Variants in SLC7A14 observed in about 807,000 individuals in gnomAD.
SLC7A14 encodes the protein solute carrier family 7 member 14, also known as gamma-aminobutyric acid transporter SLC7A14.
In SLC7A14, 37 loss-of-function variants were observed where a neutral mutation model predicts 60.2. The observed-to-expected ratio is 0.61, with a 90% CI of 0.47 to 0.81. SLC7A14 has a LOEUF of 0.81. Among genes scored for constraint, SLC7A14 ranks in the 30% least tolerant of loss-of-function variants. SLC7A14 has a pLI of 0.00. For synonymous variants in SLC7A14, 399 were observed against 395.8 expected, an observed-to-expected ratio of 1.01 and a Z score of -0.10; for missense variants, 886 against 982.7, an observed-to-expected ratio of 0.90 and a Z score of 1.32.
intron 1 of SLC7A14, among the ~76,000 whole-genome samples, chr3:170,556,524 T>A (rs978189352): frequency 1.3e-5 from 2 of 152,090 alleles, no homozygotes; most frequent in Non-Finnish European, 2.9e-5. Flanking sequence ...CTTGTAATAA[T>A]AGTAGGGTTT....
intron 1 of SLC7A14, among the ~76,000 whole-genome samples, chr3:170,544,822 G>T (rs961556242): frequency 6.6e-6 from 1 of 152,234 alleles, no homozygotes; most frequent in African/African-American, 2.4e-5. Flanking sequence ...GCACAGAGCA[G>T]TTAACATTTG....
At chr3:170,494,467 C>T (rs1712319232) in intron 4 of SLC7A14, among the ~76,000 whole-genome samples, 1 of 152,112 alleles carries the variant, frequency 6.6e-6, no homozygotes, top group Admixed American at 6.5e-5. Context: ...ATGTGGAGCC[C>T]CTGAGAAGGA....
At chr3:170,519,346 T>G (rs1475654694) in intron 2 of SLC7A14, among the ~76,000 whole-genome samples, 2 of 152,220 alleles carry the variant, frequency 1.3e-5, no homozygotes, top group East Asian at 1.9e-4. Context: ...AACAGAATTC[T>G]GTAATTCTGG....
chr3:170,555,174 A>AAT (rs1183657085), intron 1 of SLC7A14, among the ~76,000 whole-genome samples: 123 of 150,306 alleles, frequency 8.2e-4, no homozygotes, highest in Admixed American at 5.9e-3. Flanking sequence ...TCTCAAAAAA[A>AAT]ATATATATAT....
chr3:170,459,664 T>C lies in SLC7A14; in HGVS notation c.*7391A>G, dbSNP rs892833218. ...AGTGAACTCATTTATCTGGCTTTTCTACAAAGGACAATTGAAACACTTAAG... is the reference window on the plus strand; with the variant it reads ...AGTGAACTCATTTATCTGGCTTTTCCACAAAGGACAATTGAAACACTTAAG... On this transcript the variant is annotated 3_prime_UTR_variant, in exon 8 of 8. Transcript: ENST00000231706. The C allele has an allele frequency of 2.0e-5, 3 of 152,216 alleles. No homozygotes were observed. Among genetic ancestry groups the C allele is most frequent in the African/African-American group, 7.2e-5 (3 of 41,464 alleles). 9.4% of individuals were successfully genotyped at this position (152,216 alleles called of 1,614,324 possible). A position where few individuals can be genotyped will look rare whatever the true frequency, so the allele number is the denominator to read the frequency against.
chr3:170,570,003 A>G (rs1714901899), intron 1 of SLC7A14: 1 of 151,942 alleles, frequency 6.6e-6, no homozygotes, highest in South Asian at 2.1e-4. Context: ...TTTAGTTTTA[A>G]ACTTAGAAGT....
chr3:170,527,807 A>G (rs1005052074), intron 1 of SLC7A14, among the ~76,000 whole-genome samples: 32 of 152,178 alleles, frequency 2.1e-4, no homozygotes, highest in Admixed American at 2.6e-4. Context: ...ACTTTCCTGT[A>G]GATAAAAATC....
At position 170,538,880 on chromosome 3, in the gene SLC7A14, A is replaced by G. The variant is rs145035609; in HGVS notation, c.-152-11792T>C. 4.1e-3 allele frequency among the ~76,000 whole-genome samples: 622 copies of G among 152,330 alleles called. 5 individuals carry two copies. The highest frequency in any genetic ancestry group is 0.014 in the African/African-American group (599 of 41,566). On this transcript the variant is annotated intron_variant, in intron 1 of 7. Transcript: ENST00000231706. ...TTTCCTCACCTTTTTCTCTGAAGCTATTCACATTTCCATGTTCCTTTGGGA... is the reference window on the plus strand; with the variant it reads ...TTTCCTCACCTTTTTCTCTGAAGCTGTTCACATTTCCATGTTCCTTTGGGA...
chr3:170,547,772 A>G (rs964886962), intron 1 of SLC7A14, among the ~76,000 whole-genome samples: 1 of 152,210 alleles, frequency 6.6e-6, no homozygotes, highest in African/African-American at 2.4e-5. Context: ...GCGATATCAC[A>G]TATCCAAGAG....
chr3:170,486,371 G>C lies in SLC7A14; in HGVS notation c.760-3C>G. On this transcript the variant is annotated splice_region_variant and splice_polypyrimidine_tract_variant and intron_variant, in intron 4 of 7. Transcript: ENST00000231706. ...CATGTTGCTGCTCCTTGCAGCACCT[G>C]TGTGGATGATGGCATTTGTCAGACT... The C allele has an allele frequency of 6.2e-7, 1 of 1,614,196 alleles. No individual in the cohort carries two copies. Among genetic ancestry groups the C allele is most frequent in the African/African-American group, 1.3e-5 (1 of 75,064 alleles).
chr3:170,583,210 T>C (rs1715285679), intron 1 of SLC7A14, among the ~76,000 whole-genome samples: 1 of 152,140 alleles, frequency 6.6e-6, no homozygotes, highest in Non-Finnish European at 1.5e-5. Context: ...ATAGGGCAAG[T>C]AAAGAAATGA....
At chr3:170,533,263 T>C (rs1713733468) in intron 1 of SLC7A14, among the ~76,000 whole-genome samples, 1 of 152,192 alleles carries the variant, frequency 6.6e-6, no homozygotes, top group African/African-American at 2.4e-5. Context: ...TTATACTACG[T>C]GGCCAGGTAC....
At chr3:170,544,259 C>T (rs916283926) in intron 1 of SLC7A14, among the ~76,000 whole-genome samples, 1 of 151,814 alleles carries the variant, frequency 6.6e-6, no homozygotes, top group Non-Finnish European at 1.5e-5. Context: ...TCTCGGGACA[C>T]ATTACAGGAC....
At chr3:170,563,417 GTTTT>G (rs67991294) in intron 1 of SLC7A14, among the ~76,000 whole-genome samples, 1 of 111,908 alleles carries the variant, frequency 8.9e-6, no homozygotes. Flanking sequence ...TTGTTTGTTT[GTTTT>G]TTTTTTTTTT....
At chr3:170,551,091 T>C (rs1400419277) in intron 1 of SLC7A14, among the ~76,000 whole-genome samples, 6 of 152,168 alleles carry the variant, frequency 3.9e-5, no homozygotes, top group Non-Finnish European at 7.3e-5. Flanking sequence ...TAATCTACTT[T>C]CTTTCTTTAT....
chr3:170,506,798 C>T (rs1209319983), intron 2 of SLC7A14, among the ~76,000 whole-genome samples: 3 of 152,168 alleles, frequency 2.0e-5, no homozygotes, highest in Non-Finnish European at 4.4e-5. Context: ...AAAACTTCTC[C>T]TTCCTAACAG....
chr3:170,489,824 A>G (rs1442102669), intron 4 of SLC7A14, among the ~76,000 whole-genome samples: 1 of 152,232 alleles, frequency 6.6e-6, no homozygotes, highest in South Asian at 2.1e-4. Flanking sequence ...TATGTTAAGC[A>G]AAATAAATCA....
At chr3:170,549,667 C>T (rs1714285791) in intron 1 of SLC7A14, among the ~76,000 whole-genome samples, 1 of 152,174 alleles carries the variant, frequency 6.6e-6, no homozygotes, top group Non-Finnish European at 1.5e-5. Context: ...CTACCCGATG[C>T]CCTGGGGAGA....
At chr3:170,576,092 T>C (rs1235036700) in intron 1 of SLC7A14, among the ~76,000 whole-genome samples, 1 of 152,232 alleles carries the variant, frequency 6.6e-6, no homozygotes, top group Non-Finnish European at 1.5e-5. Context: ...TTATATACCA[T>C]TCAAGATACT....
Sources: allele counts gnomAD v4.1 joint callset (sites outside exome capture counted in the v4.1 genomes callset), GRCh38; gene constraint gnomAD v4.1.1; transcripts MANE v1.5; gene names NCBI Gene and HGNC (gene_info 2026-07-23, HGNC 2026-07-21).